EPB41: variants seen among roughly 807,000 people sequenced by gnomAD.
EPB41 encodes protein 4.1.
EPB41 carries 65 observed loss-of-function variants against 108.0 expected under a neutral mutation model. The ratio of observed to expected loss-of-function variants is 0.60; its 90% CI spans 0.49 to 0.74. EPB41 has a LOEUF of 0.74. Among genes scored for constraint, EPB41 ranks in the 30% least tolerant of loss-of-function variants. The pLI is 0.00. For synonymous variants in EPB41, 336 were observed against 358.9 expected (o/e 0.94, Z 0.72); for missense variants, 875 against 1,037.0 (o/e 0.84, Z 2.15).
At chr1:29,060,338 G>T in intron 14 of EPB41, 84 bp from the exon 15 acceptor site, 1 of 1,302,698 alleles carries the variant, frequency 7.7e-7, no homozygotes, top group South Asian at 1.2e-5. Context: ...ATATTTTTTG[G>T]TTTGCCAATT....
intron 1 of EPB41, among the ~76,000 whole-genome samples, chr1:28,979,755 A>G (rs1393706442): frequency 6.6e-6 from 1 of 151,478 alleles, no homozygotes; most frequent in Non-Finnish European, 1.5e-5. Context: ...TCATGCCCCC[A>G]TTGAATCTGA....
intron 1 of EPB41, among the ~76,000 whole-genome samples, chr1:28,889,042 G>GC (rs1029261544): frequency 1.3e-5 from 2 of 152,200 alleles, no homozygotes; most frequent in Admixed American, 1.3e-4. Flanking sequence ...GACATCCAGT[G>GC]CCCAGTAGGC....
intron 17 of EPB41, among the ~76,000 whole-genome samples, chr1:29,104,829 C>G (rs1362393512): frequency 6.6e-6 from 1 of 152,008 alleles, no homozygotes; most frequent in African/African-American, 2.4e-5. Context: ...ACCTCATGAT[C>G]CTTCCGCCTC....
chr1:29,013,439 C>G (rs2096534604), intron 5 of EPB41, among the ~76,000 whole-genome samples: 1 of 152,116 alleles, frequency 6.6e-6, no homozygotes, highest in Non-Finnish European at 1.5e-5. Context: ...GAGAATCAAA[C>G]TGTAAACATT....
chr1:29,013,837 T>C (rs1430859281), intron 5 of EPB41, among the ~76,000 whole-genome samples: 4 of 49,306 alleles, frequency 8.1e-5, no homozygotes, highest in Non-Finnish European at 2.4e-4. Context: ...CCCTTAAGTT[T>C]TTTTTTTTTT....
At chr1:28,959,518 A>T (rs935004717) in intron 1 of EPB41, among the ~76,000 whole-genome samples, 1 of 152,110 alleles carries the variant, frequency 6.6e-6, no homozygotes, top group African/African-American at 2.4e-5. Flanking sequence ...CACCCAGCCA[A>T]AAGTTTGATC....
rs551057881 is a variant in EPB41, at chr1:29,077,117, A to C, written c.2184+11959A>C. On this transcript the variant is annotated intron_variant, in intron 16 of 20. Transcript: ENST00000343067. Reference sequence around the variant, plus strand: ...CAAATTAATCACCTTATGCCCAATCATTATATGCAGGTAATCCAGAAAGCC... The same window carrying C: ...CAAATTAATCACCTTATGCCCAATCCTTATATGCAGGTAATCCAGAAAGCC... Among the ~76,000 whole-genome samples the C allele has an allele frequency of 1.2e-4, 18 of 152,248 alleles. No individual in the cohort carries two copies. The South Asian group carries it at 2.9e-3, about 25-fold the overall frequency.
intron 1 of EPB41, among the ~76,000 whole-genome samples, chr1:28,951,961 TG>T (rs1359195469): frequency 6.6e-6 from 1 of 152,204 alleles, no homozygotes; most frequent in Non-Finnish European, 1.5e-5. Context: ...TGTTACTGTT[TG>T]ATCTTGATTT....
At chr1:29,114,766 T>C (rs1419564057) in intron 19 of EPB41, among the ~76,000 whole-genome samples, 1 of 152,080 alleles carries the variant, frequency 6.6e-6, no homozygotes, top group Non-Finnish European at 1.5e-5. Context: ...ATGCACTAAG[T>C]TGTCATGTTT....
intron 1 of EPB41, among the ~76,000 whole-genome samples, chr1:28,956,594 T>C (rs1209848661): frequency 6.6e-6 from 1 of 151,940 alleles, no homozygotes; most frequent in East Asian, 1.9e-4. Flanking sequence ...CTCAGTATTA[T>C]ATTATAGCCT....
At chr1:29,103,021 C>T (rs1665979138) in intron 17 of EPB41, among the ~76,000 whole-genome samples, 1 of 152,176 alleles carries the variant, frequency 6.6e-6, no homozygotes, top group Non-Finnish European at 1.5e-5. Flanking sequence ...GATCCACCCA[C>T]CTTGGCCTCC....
At chr1:28,949,198 C>T (rs543023220) in intron 1 of EPB41, among the ~76,000 whole-genome samples, 9 of 152,312 alleles carry the variant, frequency 5.9e-5, no homozygotes, top group Middle Eastern at 3.4e-3. Flanking sequence ...AATCCCAGCA[C>T]TTTGGGAGGC....
chr1:28,982,551 T>C, intron 1 of EPB41: 1 of 1,439,068 alleles, frequency 6.9e-7, no homozygotes, highest in Non-Finnish European at 9.7e-7. Context: ...CGGCTTTGCA[T>C]CCAGAGTAGC....
At chr1:29,085,133 T>TTGATC (rs1175069629) in intron 16 of EPB41, among the ~76,000 whole-genome samples, 1 of 151,416 alleles carries the variant, frequency 6.6e-6, no homozygotes, top group Non-Finnish European at 1.5e-5. Context: ...TGGAAATACT[T>TTGATC]TGATCTTCTT....
intron 1 of EPB41, among the ~76,000 whole-genome samples, chr1:28,927,986 GCTTT>G (rs1260069316): frequency 6.6e-6 from 1 of 152,024 alleles, no homozygotes; most frequent in Non-Finnish European, 1.5e-5. Flanking sequence ...CAGAGGTGCT[GCTTT>G]CTTTTAATTT....
intron 11 of EPB41, among the ~76,000 whole-genome samples, chr1:29,045,077 T>C (rs1642764771): frequency 6.6e-6 from 1 of 152,184 alleles, no homozygotes; most frequent in African/African-American, 2.4e-5. Context: ...ATCTTGGCTA[T>C]TTTTAGCCCT....
chr1:29,036,254 ATTTT>A (rs71022387), intron 10 of EPB41, among the ~76,000 whole-genome samples: 3 of 106,344 alleles, frequency 2.8e-5, no homozygotes. Context: ...TCCACGTGTG[ATTTT>A]TTTTTTTTTT....
At chr1:29,047,185 A>C (rs1220015238) in intron 11 of EPB41, among the ~76,000 whole-genome samples, 3 of 149,560 alleles carry the variant, frequency 2.0e-5, no homozygotes, top group South Asian at 2.1e-4. Flanking sequence ...TAGATAAGGG[A>C]CTATTAAAAT....
chr1:29,066,352 G>C (rs930888853), intron 16 of EPB41, among the ~76,000 whole-genome samples: 3 of 151,938 alleles, frequency 2.0e-5, no homozygotes, highest in Admixed American at 1.3e-4. Flanking sequence ...CTGGGAGGCG[G>C]AGATTGCAGT....
Sources: gnomAD v4.1 joint callset for allele counts (sites outside exome capture counted in the v4.1 genomes callset) on GRCh38, gnomAD v4.1.1 for gene constraint, MANE v1.5 for transcripts, NCBI Gene and HGNC (gene_info 2026-07-23, HGNC 2026-07-21) for gene names.